OPCML: variants seen among roughly 807,000 people sequenced by gnomAD.
OPCML encodes the protein opioid binding protein/cell adhesion molecule like, also known as opioid-binding protein/cell adhesion molecule.
OPCML carries 13 observed loss-of-function variants against 37.8 expected under a neutral mutation model. That is an observed-to-expected ratio of 0.34 (90% CI 0.22 to 0.55). OPCML has a LOEUF of 0.55. OPCML is among the 20% of genes least tolerant of loss of function. The pLI is 0.91. For missense variants in OPCML, 341 were observed against 435.6 expected (o/e 0.78, Z 1.93); for synonymous variants, 176 against 168.8 (o/e 1.04, Z -0.33).
At chr11:133,264,214 A>G (rs148082349) in intron 1 of OPCML, among the ~76,000 whole-genome samples, 1 of 152,308 alleles carries the variant, frequency 6.6e-6, no homozygotes, top group African/African-American at 2.4e-5. Flanking sequence ...TTAATACCTG[A>G]AGGAAAGGAA....
At chr11:132,835,679 GC>G (rs1428895346) in intron 2 of OPCML, among the ~76,000 whole-genome samples, 2 of 152,178 alleles carry the variant, frequency 1.3e-5, no homozygotes, top group East Asian at 3.9e-4. Flanking sequence ...CCTAGAAGAG[GC>G]CCTAACACAC....
At chr11:133,366,961 C>T (rs992227867) in intron 1 of OPCML, among the ~76,000 whole-genome samples, 1 of 152,104 alleles carries the variant, frequency 6.6e-6, no homozygotes, top group African/African-American at 2.4e-5. Flanking sequence ...TGTCTTCTCC[C>T]CATCCAATCA....
intron 2 of OPCML, among the ~76,000 whole-genome samples, chr11:132,808,657 C>A (rs994049145): frequency 4.5e-4 from 68 of 152,136 alleles, no homozygotes; most frequent in Non-Finnish European, 5.3e-4. Context: ...TCTTTCCTTG[C>A]CTTATCTTTT....
intron 1 of OPCML, among the ~76,000 whole-genome samples, chr11:132,971,709 C>T (rs1187610860): frequency 6.6e-6 from 1 of 152,140 alleles, no homozygotes; most frequent in Non-Finnish European, 1.5e-5. Context: ...GTCTGCAGTC[C>T]TGGGGCTGAG....
chr11:132,659,614 T>TA (rs1347234335), intron 2 of OPCML, among the ~76,000 whole-genome samples: 1 of 152,166 alleles, frequency 6.6e-6, no homozygotes, highest in Admixed American at 6.6e-5. Flanking sequence ...TAAGTTGCCA[T>TA]AAAAAATTGT....
intron 4 of OPCML, among the ~76,000 whole-genome samples, chr11:132,479,633 G>C (rs1196659166): frequency 6.6e-6 from 1 of 152,222 alleles, no homozygotes; most frequent in Non-Finnish European, 1.5e-5. Flanking sequence ...CTGTCTGACA[G>C]CTTTGAAGAG....
intron 2 of OPCML, among the ~76,000 whole-genome samples, chr11:132,670,826 A>G (rs1362603424): frequency 6.6e-6 from 1 of 152,214 alleles, no homozygotes. Context: ...ACTACTAAAG[A>G]GTAATGATAC....
intron 1 of OPCML, among the ~76,000 whole-genome samples, chr11:133,285,855 G>A (rs933805005): frequency 5.3e-5 from 8 of 152,188 alleles, no homozygotes; most frequent in Non-Finnish European, 1.0e-4. Context: ...CTGTAAGGCT[G>A]CAGTACAAAG....
intron 1 of OPCML, among the ~76,000 whole-genome samples, chr11:133,343,564 T>C (rs11604654): frequency 0.063 from 9,661 of 152,248 alleles, 335 homozygotes; most frequent in Non-Finnish European, 0.075. Flanking sequence ...GGAACTTTTT[T>C]TCTCTAGGGT....
intron 1 of OPCML, among the ~76,000 whole-genome samples, chr11:133,267,295 C>T (rs755259077): frequency 3.9e-5 from 6 of 152,184 alleles, no homozygotes; most frequent in Admixed American, 6.5e-5. Flanking sequence ...ACTTGAGCCT[C>T]GGTAATTTTT....
chr11:132,779,077 T>C (rs985316858), intron 2 of OPCML, among the ~76,000 whole-genome samples: 23 of 151,528 alleles, frequency 1.5e-4, no homozygotes, highest in Admixed American at 5.9e-4. Flanking sequence ...AAGTGATTCT[T>C]GTGCCTCAGC....
chr11:133,461,392 C>T (rs1410788954), intron 1 of OPCML, among the ~76,000 whole-genome samples: 6 of 151,792 alleles, frequency 4.0e-5, no homozygotes, highest in African/African-American at 7.2e-5. Flanking sequence ...TCAGCAAAGT[C>T]GCAACATACA....
At position 132,529,118 on chromosome 11, in the gene OPCML, A is replaced by G. The variant is rs752054519; in HGVS notation, c.448T>C (p.Cys150Arg). 4 of 1,613,496 alleles carry G rather than the reference A, an allele frequency of 2.5e-6. No homozygotes were observed. Among genetic ancestry groups the G allele is most frequent in the Non-Finnish European group, 3.4e-6 (4 of 1,179,694 alleles). ...VNEGSSVTLLCLAIGRPEPTV... is the reference protein window; with the variant it reads ...VNEGSSVTLLRLAIGRPEPTV... ...GGCTCTGGTCTGCCAATAGCAAGAC[A>G]CAGCAGGGTCACACTGCTTCCCTCA... is the stretch of plus-strand genomic sequence containing the variant. The change falls in exon 4 of 8, where the codon TGT (cysteine) becomes CGT (arginine). Residue 150 changes from cysteine to arginine, a missense_variant. Transcript: ENST00000524381.
At chr11:132,659,704 CTGTG>C (rs58318033) in intron 2 of OPCML, among the ~76,000 whole-genome samples, 2,433 of 147,310 alleles carry the variant, frequency 0.017, 33 homozygotes, top group African/African-American at 0.031. Flanking sequence ...CACAAAATTC[CTGTG>C]TGTGTGTGTG....
intron 2 of OPCML, among the ~76,000 whole-genome samples, chr11:132,829,491 C>T (rs993203060): frequency 6.6e-6 from 1 of 152,172 alleles, no homozygotes; most frequent in East Asian, 1.9e-4. Flanking sequence ...AACGTACATA[C>T]AGAAGAGCTA....
At chr11:133,027,025 T>C (rs1397953881) in intron 1 of OPCML, among the ~76,000 whole-genome samples, 1 of 152,198 alleles carries the variant, frequency 6.6e-6, no homozygotes, top group Non-Finnish European at 1.5e-5. Context: ...GGTGGAGGGA[T>C]CTGTAGCTGA....
At position 133,173,909 on chromosome 11, in the gene OPCML, G is replaced by A. The variant is rs553209302; in HGVS notation, c.62-230899C>T. Among the ~76,000 whole-genome samples the A allele has an allele frequency of 1.6e-4, 25 of 152,294 alleles. No individual in the cohort carries two copies. The highest frequency in any genetic ancestry group is 1.5e-3 in the South Asian group (7 of 4,816). On this transcript the variant is annotated intron_variant, in intron 1 of 7. Coordinates refer to ENST00000524381, the MANE Select transcript of OPCML (RefSeq NM_001012393.5). The surrounding 1 kb of genome is among the most constrained non-coding windows in gnomAD (Gnocchi z 7.8). The stretch of plus-strand genomic sequence containing the variant: ...GGGCTGGAATGAAGATTGGACCGGG[G>A]CCGGCCGGCACTGGAGCAGCCCTCT...
At chr11:133,497,628 GC>G (rs1312588866) in intron 1 of OPCML, among the ~76,000 whole-genome samples, 4 of 152,094 alleles carry the variant, frequency 2.6e-5, no homozygotes, top group Non-Finnish European at 5.9e-5. Context: ...TCTCCTTTGG[GC>G]CCTCATGCCT....
chr11:132,509,357 T>A (rs575029802), intron 4 of OPCML, among the ~76,000 whole-genome samples: 20 of 151,708 alleles, frequency 1.3e-4, no homozygotes, highest in Middle Eastern at 3.4e-3. Flanking sequence ...AAAAAAAAAA[T>A]TTCTAGGGAG....
Sources: allele counts gnomAD v4.1 joint callset (sites outside exome capture counted in the v4.1 genomes callset), GRCh38; gene constraint gnomAD v4.1.1; non-coding constraint Gnocchi (gnomAD v3.1); transcripts MANE v1.5; gene names NCBI Gene and HGNC (gene_info 2026-07-23, HGNC 2026-07-21).